The following DNAH3 variants were observed in gnomAD, a reference collection of about 807,000 sequenced individuals.
DNAH3 encodes axonemal beta dynein heavy chain 3.
A neutral mutation model predicts 432.5 loss-of-function variants in DNAH3; 332 were observed. The ratio of observed to expected loss-of-function variants is 0.77; its 90% CI spans 0.70 to 0.84. DNAH3 has a LOEUF of 0.84. DNAH3 is among the 40% of genes least tolerant of loss of function. DNAH3 has a pLI of 0.00. For synonymous variants in DNAH3, 1,956 were observed against 1,900.2 expected, an observed-to-expected ratio of 1.03 and a Z score of -0.76; for missense variants, 4,861 against 5,114.0, an observed-to-expected ratio of 0.95 and a Z score of 1.51.
chr16:20,999,055 G>A (rs1005499145), intron 43 of DNAH3, among the ~76,000 whole-genome samples: 4 of 152,030 alleles, frequency 2.6e-5, no homozygotes, highest in East Asian at 3.9e-4. Context: ...CCAGGAGTTC[G>A]ACCACCTGGG....
rs758503329 is a variant in DNAH3 at position 20,975,420 on chromosome 16, C to T, written c.8077-5G>A. 10 of 1,611,958 alleles carry T rather than the reference C, an allele frequency of 6.2e-6. No homozygotes were observed. Among genetic ancestry groups the T allele is most frequent in the Non-Finnish European group, 8.5e-6 (10 of 1,178,964 alleles). On this transcript the variant is annotated splice_region_variant and splice_polypyrimidine_tract_variant and intron_variant, in intron 50 of 61. Transcript: ENST00000261383. ...TTCTCTTTGCATAACCGCTACCTAG[C>T]AAGGAGAGAGGTGGGAGAAATCCAG... is the stretch of plus-strand genomic sequence containing the variant.
At chr16:21,128,439 A>G (rs1272160855) in intron 7 of DNAH3, among the ~76,000 whole-genome samples, 1 of 151,928 alleles carries the variant, frequency 6.6e-6, no homozygotes, top group African/African-American at 2.4e-5. Context: ...TCACACCTGT[A>G]ATCCCAGCAC....
chr16:20,980,239 A>G (rs977608738), intron 49 of DNAH3, among the ~76,000 whole-genome samples: 28 of 102,348 alleles, frequency 2.7e-4, no homozygotes, highest in African/African-American at 7.9e-4. Flanking sequence ...TTTATATTAT[A>G]TATATAATAT....
rs529242333 is a variant in DNAH3, at chr16:20,994,275, C to CA, written c.6601+3007dup. Among the ~76,000 whole-genome samples the CA allele has an allele frequency of 2.0e-3, 305 of 151,946 alleles. 2 individuals are homozygous for CA. The highest frequency in any genetic ancestry group is 6.7e-3 in the African/African-American group (276 of 41,456). ...TGAAACCCCGTCTCTACTAAAAATA[C>CA]AAAAAAATTAGCCGGGCATTGTGGT... On this transcript the variant is annotated intron_variant, in intron 44 of 61. Coordinates refer to ENST00000261383, the Ensembl canonical transcript of DNAH3.
At chr16:21,144,396 G>C (rs970085696) in intron 3 of DNAH3, among the ~76,000 whole-genome samples, 7 of 152,198 alleles carry the variant, frequency 4.6e-5, no homozygotes, top group African/African-American at 1.7e-4. Context: ...TTCTAAGGGA[G>C]AGACCCGTGT....
rs188949189 is a variant in DNAH3, at chr16:21,018,377, G to C, written c.6022+1247C>G. Among the ~76,000 whole-genome samples, 457 of 152,024 alleles carry C rather than the reference G, an allele frequency of 3.0e-3. 1 individual carries two copies. The highest frequency in any genetic ancestry group is 0.011 in the African/African-American group (443 of 41,462). ...TAAGAAGTGATATTTCTGGATAGTG[G>C]GATTACCACTGATCTTAATTTTCTT... On this transcript the variant is annotated intron_variant, in intron 41 of 61. Coordinates refer to ENST00000261383, the Ensembl canonical transcript of DNAH3.
intron 60 of DNAH3, among the ~76,000 whole-genome samples, chr16:20,936,447 C>T (rs569907295): frequency 1.9e-4 from 29 of 152,232 alleles, no homozygotes; most frequent in African/African-American, 6.0e-4. Context: ...TGAGCCACTG[C>T]GCCCGGCCGG....
At chr16:20,961,911 A>G (rs979913937) in intron 53 of DNAH3, among the ~76,000 whole-genome samples, 1 of 151,530 alleles carries the variant, frequency 6.6e-6, no homozygotes, top group Non-Finnish European at 1.5e-5. Flanking sequence ...CAGTAATCCC[A>G]GCACTTTGGG....
chr16:21,086,179 T>C (rs1416137953), intron 19 of DNAH3, among the ~76,000 whole-genome samples: 1 of 152,216 alleles, frequency 6.6e-6, no homozygotes, highest in Non-Finnish European at 1.5e-5. Context: ...TTCAAGGCCA[T>C]TGCTAGCCCT....
intron 1 of DNAH3, among the ~76,000 whole-genome samples, chr16:21,149,226 C>CAAA (rs36041463): frequency 7.6e-6 from 1 of 131,744 alleles, no homozygotes; most frequent in Non-Finnish European, 1.7e-5. Flanking sequence ...CAAACTGTCT[C>CAAA]AAAAAAAAAA....
chr16:20,975,148 G>C (rs2085527311), intron 51 of DNAH3, 85 bp downstream of exon 51: 2 of 1,508,688 alleles, frequency 1.3e-6, no homozygotes, highest in Non-Finnish European at 1.8e-6. Flanking sequence ...CCCTTTCTGA[G>C]CCTCACTTTT....
At chr16:21,121,097 A>C in intron 10 of DNAH3, 8 of 604,758 alleles carry the variant, frequency 1.3e-5, no homozygotes, top group East Asian at 3.6e-5. Flanking sequence ...AGCATACATA[A>C]TGCATGGAGA....
At chr16:20,964,221 C>G in exon 53 of DNAH3, 1 of 1,614,148 alleles carries the variant, frequency 6.2e-7, no homozygotes, top group Middle Eastern at 1.6e-4. Context: ...TCAACTGGTT[C>G]TTTTTCTCTT....
At chr16:20,973,286 T>G (rs2085429702) in intron 51 of DNAH3, among the ~76,000 whole-genome samples, 1 of 152,018 alleles carries the variant, frequency 6.6e-6, no homozygotes, top group Admixed American at 6.6e-5. Context: ...AAGGTCTTGC[T>G]CTGTCACTGA....
intron 33 of DNAH3, among the ~76,000 whole-genome samples, chr16:21,039,091 G>A (rs966899858): frequency 2.6e-5 from 4 of 152,018 alleles, no homozygotes; most frequent in South Asian, 2.1e-4. Context: ...GTATAACTGT[G>A]TGTCTTAGAA....
At chr16:21,132,216 G>A (rs2152821708) in intron 7 of DNAH3, among the ~76,000 whole-genome samples, 1 of 152,274 alleles carries the variant, frequency 6.6e-6, no homozygotes, top group South Asian at 2.1e-4. Context: ...TGAAAAACAA[G>A]TAGGTTCTCC....
intron 49 of DNAH3, among the ~76,000 whole-genome samples, chr16:20,981,198 T>A (rs750724495): frequency 6.6e-6 from 1 of 152,110 alleles, no homozygotes; most frequent in Non-Finnish European, 1.5e-5. Flanking sequence ...CCCACTGGGG[T>A]TTACTGCCTA....
At chr16:20,955,259 G>A (rs1017103697) in intron 54 of DNAH3, among the ~76,000 whole-genome samples, 15 of 151,848 alleles carry the variant, frequency 9.9e-5, no homozygotes, top group African/African-American at 3.6e-4. Flanking sequence ...TACTACCAGA[G>A]CCAAAACTAT....
chr16:20,992,329 CTTATTTCATATAT>C, intron 44 of DNAH3, among the ~76,000 whole-genome samples: 1 of 152,068 alleles, frequency 6.6e-6, no homozygotes, highest in South Asian at 2.1e-4. Flanking sequence ...ACTTTACAGG[CTTATTTCATATAT>C]TTATTTTTAT....
Sources: gnomAD v4.1 joint callset for allele counts (sites outside exome capture counted in the v4.1 genomes callset) on GRCh38, gnomAD v4.1.1 for gene constraint, MANE v1.5 for transcripts, NCBI Gene and HGNC (gene_info 2026-07-23, HGNC 2026-07-21) for gene names.